Variants in DNAH3 observed in about 807,000 individuals in gnomAD.
DNAH3 encodes dynein axonemal heavy chain 3.
In DNAH3, 332 loss-of-function variants were observed where a neutral mutation model predicts 432.5. That is an observed-to-expected ratio of 0.77 (90% CI 0.70 to 0.84). The LOEUF (loss-of-function observed/expected upper bound fraction) is 0.84. DNAH3 is among the 40% of genes least tolerant of loss of function. The pLI, the probability that DNAH3 is intolerant of heterozygous loss-of-function variation, is 0.00. For synonymous variants in DNAH3, 1,956 were observed against 1,900.2 expected, an observed-to-expected ratio of 1.03 and a Z score of -0.76; for missense variants, 4,861 against 5,114.0, an observed-to-expected ratio of 0.95 and a Z score of 1.51.
intron 56 of DNAH3, among the ~76,000 whole-genome samples, chr16:20,949,505 T>G (rs1385464599): frequency 2.6e-5 from 4 of 152,132 alleles, no homozygotes; most frequent in Non-Finnish European, 5.9e-5. Context: ...AACTTTATCA[T>G]AGGTATGTAT....
Position 20,969,778 on chromosome 16 carries a change from G to A in DNAH3, c.8458+14C>T, listed in dbSNP as rs2085250054. On this transcript the variant is annotated intron_variant, in intron 52 of 61. Transcript: ENST00000261383. ...GAGCAGCCTGTGCAGGCATCTGGGT[G>A]GGGTGGCACTTACCGGAGCCACTGG... The A allele has an allele frequency of 6.2e-7, 1 of 1,613,598 alleles. No individual in the cohort carries two copies. The highest frequency in any genetic ancestry group is 1.3e-5 in the African/African-American group (1 of 74,928).
intron 5 of DNAH3, among the ~76,000 whole-genome samples, chr16:21,137,729 T>C (rs1266512565): frequency 2.6e-5 from 4 of 152,070 alleles, no homozygotes; most frequent in African/African-American, 9.7e-5. Flanking sequence ...AGCTGATAGT[T>C]CTTCTTACCC....
intron 12 of DNAH3, among the ~76,000 whole-genome samples, chr16:21,115,560 G>T (rs905132062): frequency 1.3e-5 from 2 of 151,190 alleles, no homozygotes; most frequent in Non-Finnish European, 3.0e-5. Context: ...TATAAAAATC[G>T]GCTGGGCGTG....
chr16:21,153,562 T>G (rs1051704161), intron 1 of DNAH3, among the ~76,000 whole-genome samples: 7 of 152,152 alleles, frequency 4.6e-5, no homozygotes, highest in Non-Finnish European at 1.0e-4. Flanking sequence ...AGCCGCTTGA[T>G]CCCCTTCTAC....
intron 42 of DNAH3, among the ~76,000 whole-genome samples, chr16:21,001,514 G>A (rs2087017847): frequency 2.0e-5 from 3 of 152,222 alleles, no homozygotes. Flanking sequence ...GCGACATAAT[G>A]GCCCTATGTA....
chr16:20,946,619 T>C (rs2084055358), intron 57 of DNAH3, among the ~76,000 whole-genome samples: 1 of 152,044 alleles, frequency 6.6e-6, no homozygotes, highest in African/African-American at 2.4e-5. Context: ...GTAATATACA[T>C]ATATATCTAC....
At chr16:21,037,077 G>C (rs1372272238) in intron 34 of DNAH3, among the ~76,000 whole-genome samples, 1 of 152,212 alleles carries the variant, frequency 6.6e-6, no homozygotes. Context: ...GGGTGACCGA[G>C]GTGGGTGGAT....
At chr16:21,055,817 C>T (rs1374594489) in intron 27 of DNAH3, among the ~76,000 whole-genome samples, 1 of 148,842 alleles carries the variant, frequency 6.7e-6, no homozygotes, top group Admixed American at 6.8e-5. Flanking sequence ...ACAAACATGG[C>T]TCACTGAAAC....
At chr16:21,021,259 A>G (rs1467580940) in intron 40 of DNAH3, among the ~76,000 whole-genome samples, 1 of 152,180 alleles carries the variant, frequency 6.6e-6, no homozygotes, top group Non-Finnish European at 1.5e-5. Context: ...GCTAAGGTGA[A>G]AGTGCTGGAT....
exon 40 of DNAH3, chr16:21,021,974 G>A: frequency 6.2e-7 from 1 of 1,613,696 alleles, no homozygotes; most frequent in Non-Finnish European, 8.5e-7. Context: ...CACTTACCAA[G>A]CAGAGAAGAG....
intron 31 of DNAH3, among the ~76,000 whole-genome samples, chr16:21,046,960 T>C (rs2089727965): frequency 6.6e-6 from 1 of 151,612 alleles, no homozygotes; most frequent in Non-Finnish European, 1.5e-5. Context: ...GATATGAAAT[T>C]CTGGGTTGAA....
intron 44 of DNAH3, among the ~76,000 whole-genome samples, chr16:20,989,110 G>T (rs1322438362): frequency 6.6e-6 from 1 of 152,200 alleles, no homozygotes; most frequent in Non-Finnish European, 1.5e-5. Context: ...ACCCGAGCGG[G>T]TTACCACTGC....
intron 52 of DNAH3, among the ~76,000 whole-genome samples, chr16:20,966,227 C>CG (rs2085058407): frequency 6.6e-6 from 1 of 151,002 alleles, no homozygotes; most frequent in South Asian, 2.1e-4. Flanking sequence ...TTAGTAGAGA[C>CG]GGGGTTTCAC....
chr16:21,035,401 A>G lies in DNAH3; in HGVS notation c.5085+1313T>C, dbSNP rs560844278. Among the ~76,000 whole-genome samples the G allele has an allele frequency of 3.3e-5, 5 of 152,330 alleles. No homozygotes were observed. The South Asian group carries it at 6.2e-4, about 19-fold the overall frequency. On this transcript the variant is annotated intron_variant, in intron 35 of 61. Coordinates refer to ENST00000261383, the Ensembl canonical transcript of DNAH3. ...CATTCTTCCTCACATTGAGACATCA[A>G]TAAGTAAAAGGGCAGGTAGCTCCAG...
At chr16:21,001,155 G>T (rs767890828) in intron 42 of DNAH3, among the ~76,000 whole-genome samples, 23 of 152,134 alleles carry the variant, frequency 1.5e-4, no homozygotes, top group Non-Finnish European at 1.6e-4. Context: ...TTTCCAATAT[G>T]GGGATTGTAT....
chr16:21,033,945 T>A (rs1469405276), intron 36 of DNAH3, 29 bp downstream of exon 36: 1 of 1,553,982 alleles, frequency 6.4e-7, no homozygotes, highest in Non-Finnish European at 8.9e-7. Flanking sequence ...AGTTCTGTCC[T>A]CCCTGGAAGC....
chr16:21,143,437 G>A (rs1431332089), intron 3 of DNAH3, among the ~76,000 whole-genome samples: 1 of 152,184 alleles, frequency 6.6e-6, no homozygotes, highest in Non-Finnish European at 1.5e-5. Flanking sequence ...GAATCAGGAA[G>A]AGGACCTTCA....
chr16:21,150,784 T>TC (rs2092844585), intron 1 of DNAH3: 1 of 156,092 alleles, frequency 6.4e-6, no homozygotes, highest in Non-Finnish European at 1.4e-5. Flanking sequence ...CCCGAACTGT[T>TC]CTCCCTCCTC....
chr16:21,141,335 C>T (rs1229606843), exon 4 of DNAH3: 2 of 1,592,002 alleles, frequency 1.3e-6, no homozygotes, highest in Non-Finnish European at 8.6e-7. Context: ...AGGAAAACTT[C>T]GTTTTTTTCC....
Sources: allele counts gnomAD v4.1 joint callset (sites outside exome capture counted in the v4.1 genomes callset), GRCh38; gene constraint gnomAD v4.1.1; transcripts MANE v1.5; gene names NCBI Gene and HGNC (gene_info 2026-07-23, HGNC 2026-07-21).